Variants in AKAP9 observed in about 807,000 individuals in gnomAD.
The protein encoded by AKAP9 is A-kinase anchoring protein 9, also known as A-kinase anchor protein 9.
A neutral mutation model predicts 488.5 loss-of-function variants in AKAP9; 311 were observed. That is an observed-to-expected ratio of 0.64 (90% confidence interval 0.58 to 0.70). AKAP9 has a LOEUF of 0.70. AKAP9 is among the 30% of genes least tolerant of loss of function. The pLI is 0.00. For synonymous variants in AKAP9, 1,462 were observed against 1,483.5 expected, an observed-to-expected ratio of 0.99 and a Z score of 0.33; for missense variants, 4,215 against 4,374.5, an observed-to-expected ratio of 0.96 and a Z score of 1.03.
chr7:91,947,637 G>A (rs1358576550), intron 1 of AKAP9, among the ~76,000 whole-genome samples: 2 of 152,196 alleles, frequency 1.3e-5, no homozygotes, highest in African/African-American at 4.8e-5. Context: ...ACCGCGCCCG[G>A]CCGCAAACAT....
chr7:91,951,900 TA>T (rs2130471781), intron 1 of AKAP9, among the ~76,000 whole-genome samples: 1 of 152,086 alleles, frequency 6.6e-6, no homozygotes, highest in Admixed American at 6.6e-5. Context: ...AAAATAAAAA[TA>T]AAAAAATTTG....
At chr7:92,013,117 A>G (rs939771835) in intron 9 of AKAP9, among the ~76,000 whole-genome samples, 1 of 146,144 alleles carries the variant, frequency 6.8e-6, no homozygotes, top group South Asian at 2.2e-4. Context: ...TCAGCCTCCC[A>G]AGTAGCTGGG....
At position 92,029,883 on chromosome 7, in the gene AKAP9, A is replaced by C. The variant is rs768017962; in HGVS notation, c.4149-12A>C. 9.3e-5 allele frequency: 149 copies of C among 1,595,834 alleles called. 1 individual carries two copies. In the East Asian group the frequency reaches 3.3e-3, roughly 35 times the overall value. ...CAACTCTAATTCTTTAACCTTTTTTATTTATATTCAGCTTACCTGTTGATT... is the reference window on the plus strand; with the variant it reads ...CAACTCTAATTCTTTAACCTTTTTTCTTTATATTCAGCTTACCTGTTGATT... On this transcript the variant is annotated splice_polypyrimidine_tract_variant and intron_variant, in intron 14 of 49. Coordinates refer to ENST00000356239, the MANE Select transcript of AKAP9 (RefSeq NM_005751.5).
intron 46 of AKAP9, among the ~76,000 whole-genome samples, chr7:92,103,562 G>A (rs553343761): frequency 3.4e-4 from 51 of 151,856 alleles, no homozygotes; most frequent in African/African-American, 1.1e-3. Context: ...AGGCGTGGTG[G>A]CGGGTGCCTG....
At chr7:91,963,481 G>GCCAC (rs1562902649) in intron 1 of AKAP9, among the ~76,000 whole-genome samples, 1 of 115,640 alleles carries the variant, frequency 8.6e-6, no homozygotes, top group Admixed American at 9.9e-5. Flanking sequence ...TAACATATTT[G>GCCAC]TCACACACAC....
chr7:92,078,379 T>C (rs374527858), intron 30 of AKAP9, among the ~76,000 whole-genome samples: 4 of 152,252 alleles, frequency 2.6e-5, no homozygotes, highest in African/African-American at 9.6e-5. Flanking sequence ...CCTTATACTT[T>C]AGGAAGCCTA....
chr7:92,003,304 C>A, intron 8 of AKAP9, 69 bp downstream of exon 8: 1 of 1,184,934 alleles, frequency 8.4e-7, no homozygotes, highest in Non-Finnish European at 1.2e-6. Flanking sequence ...AAGGTTTCAC[C>A]TTCATAGAAC....
chr7:92,090,439 A>T (rs28708464), intron 38 of AKAP9: 1 of 151,936 alleles, frequency 6.6e-6, no homozygotes, highest in South Asian at 2.1e-4. Context: ...CCTAGCCAAA[A>T]TGGTGAAACC....
intron 27 of AKAP9, among the ~76,000 whole-genome samples, chr7:92,070,537 CGAT>C (rs1404308074): frequency 1.3e-5 from 2 of 151,984 alleles, no homozygotes; most frequent in Non-Finnish European, 2.9e-5. Context: ...CGAGTTCAAG[CGAT>C]TCTTCTGCCT....
chr7:92,106,984 C>A (rs1818604905), intron 47 of AKAP9, among the ~76,000 whole-genome samples: 2 of 152,156 alleles, frequency 1.3e-5, no homozygotes, highest in South Asian at 2.1e-4. Context: ...CACTCAGACA[C>A]CCCTCACCTC....
chr7:92,089,313 T>C (rs1352827392), intron 37 of AKAP9, 72 bp from the exon 38 acceptor site: 2 of 1,551,750 alleles, frequency 1.3e-6, no homozygotes, highest in East Asian at 4.5e-5. Flanking sequence ...CATTCTTCTT[T>C]AGATTTCTTG....
Position 92,017,015 on chromosome 7 carries a change from A to G in AKAP9, c.3752-2A>G. On this transcript the variant is annotated splice_acceptor_variant, in intron 11 of 49. Coordinates refer to ENST00000356239, the MANE Select transcript of AKAP9 (RefSeq NM_005751.5). LOFTEE classifies it high-confidence loss of function. The stretch of plus-strand genomic sequence containing the variant: ...TATTGTAATTGTTTGTTTACCATCC[A>G]GACTTTCAAGAAAATATGCACACTC... 6.4e-7 allele frequency: 1 copy of G among 1,560,366 alleles called. No individual in the cohort carries two copies. Among genetic ancestry groups the G allele is most frequent in the Non-Finnish European group, 8.8e-7 (1 of 1,138,314 alleles).
chr7:92,071,857 C>T (rs1184353476), intron 28 of AKAP9, among the ~76,000 whole-genome samples: 2 of 152,120 alleles, frequency 1.3e-5, no homozygotes, highest in Non-Finnish European at 2.9e-5. Context: ...AGAAAAAAGG[C>T]ATCTATGTAA....
intron 23 of AKAP9, among the ~76,000 whole-genome samples, 192 bp downstream of exon 23, chr7:92,061,614 ATATAT>A (rs1584375116): frequency 1.4e-5 from 2 of 141,750 alleles, no homozygotes; most frequent in African/African-American, 2.6e-5. Context: ...ATATATATAT[ATATAT>A]AAAATTATAA....
intron 8 of AKAP9, among the ~76,000 whole-genome samples, chr7:92,004,867 G>T (rs1217609767): frequency 6.6e-6 from 1 of 152,194 alleles, no homozygotes; most frequent in Non-Finnish European, 1.5e-5. Context: ...GAATAGGAGT[G>T]GTGAGAGAGG....
At chr7:92,090,294 C>T (rs4265) in intron 38 of AKAP9, 61,296 of 152,094 alleles carry the variant, frequency 0.4, 12,687 homozygotes, top group African/African-American at 0.47. Context: ...CTGCATTTAT[C>T]TCTAGTTCAT....
At chr7:91,966,828 A>G (rs1201369286) in intron 1 of AKAP9, among the ~76,000 whole-genome samples, 3 of 152,138 alleles carry the variant, frequency 2.0e-5, no homozygotes, top group African/African-American at 7.2e-5. Flanking sequence ...TGGTTCTATC[A>G]AAATTTTAAG....
chr7:92,043,436 A>G (rs1806445158), intron 20 of AKAP9: 1 of 671,406 alleles, frequency 1.5e-6, no homozygotes. Flanking sequence ...ATTTTATATT[A>G]TTTATCTCTA....
chr7:92,016,354 T>C, intron 11 of AKAP9, 87 bp downstream of exon 11: 1 of 987,196 alleles, frequency 1.0e-6, no homozygotes, highest in East Asian at 2.6e-5. Flanking sequence ...TATGATTTAA[T>C]CACCCAGCCA....
Sources: allele counts gnomAD v4.1 joint callset (sites outside exome capture counted in the v4.1 genomes callset), GRCh38; gene constraint gnomAD v4.1.1; transcripts MANE v1.5; gene names NCBI Gene and HGNC (gene_info 2026-07-23, HGNC 2026-07-21).